ZCCHC7: variants seen among roughly 807,000 people sequenced by gnomAD.
ZCCHC7 encodes the protein zinc finger CCHC-type containing 7.
Under a neutral mutation model 52.0 loss-of-function variants are expected in ZCCHC7, and 35 were observed. That is an observed-to-expected ratio of 0.67 (90% CI 0.51 to 0.89). ZCCHC7 has a LOEUF of 0.89. Among genes scored for constraint, ZCCHC7 ranks in the 40% least tolerant of loss-of-function variants. ZCCHC7 has a pLI of 0.00. For missense variants in ZCCHC7, 574 were observed against 649.1 expected, an observed-to-expected ratio of 0.88 and a Z score of 1.26; for synonymous variants, 217 against 221.5, an observed-to-expected ratio of 0.98 and a Z score of 0.18.
chr9:37,191,846 T>G (rs762698974), intron 2 of ZCCHC7, among the ~76,000 whole-genome samples: 1 of 152,246 alleles, frequency 6.6e-6, no homozygotes, highest in Non-Finnish European at 1.5e-5. Flanking sequence ...TTGCCATTAA[T>G]TCAGCCTTCA....
intron 2 of ZCCHC7, among the ~76,000 whole-genome samples, chr9:37,148,651 C>T (rs1237051960): frequency 6.6e-6 from 1 of 152,108 alleles, no homozygotes; most frequent in African/African-American, 2.4e-5. Flanking sequence ...TAGGATGAGA[C>T]TTCAGTTTCT....
rs1821811793 is a variant in ZCCHC7, at chr9:37,357,986, G to A, written c.*718G>A. The A allele has an allele frequency of 6.6e-6, 1 of 152,078 alleles. No individual in the cohort carries two copies. The highest frequency in any genetic ancestry group is 1.5e-5 in the Non-Finnish European group (1 of 68,016). 9.4% of individuals were successfully genotyped at this position (152,078 alleles called of 1,614,324 possible). On this transcript the variant is annotated 3_prime_UTR_variant, in exon 9 of 9. Transcript: ENST00000336755. Reference sequence around the variant, plus strand: ...TTTACAGCGGTGTTTCAAGCGGACTGTCACTCAGATCTGCAGAGATGAATA... The same window carrying A: ...TTTACAGCGGTGTTTCAAGCGGACTATCACTCAGATCTGCAGAGATGAATA...
At chr9:37,157,930 C>A (rs1820901087) in intron 2 of ZCCHC7, among the ~76,000 whole-genome samples, 1 of 152,220 alleles carries the variant, frequency 6.6e-6, no homozygotes, top group Non-Finnish European at 1.5e-5. Context: ...TCCAGCAGTT[C>A]TGCTTCTGCC....
At chr9:37,335,312 A>C (rs1222855851) in intron 6 of ZCCHC7, among the ~76,000 whole-genome samples, 1 of 152,118 alleles carries the variant, frequency 6.6e-6, no homozygotes, top group Admixed American at 6.6e-5. Flanking sequence ...TTTCTGAGGA[A>C]ATTACTAGGT....
chr9:37,353,058 C>T (rs1272325545), intron 7 of ZCCHC7, among the ~76,000 whole-genome samples: 1 of 151,364 alleles, frequency 6.6e-6, no homozygotes, highest in Non-Finnish European at 1.5e-5. Flanking sequence ...AAAAGAGAAA[C>T]TTCTGGAAAA....
intron 1 of ZCCHC7, among the ~76,000 whole-genome samples, chr9:37,121,106 T>C (rs889654207): frequency 2.6e-5 from 4 of 152,126 alleles, no homozygotes; most frequent in Non-Finnish European, 5.9e-5. Flanking sequence ...CCTTTCCTCA[T>C]GTAAAACGAG....
At chr9:37,285,970 G>A (rs1828189916) in intron 2 of ZCCHC7, among the ~76,000 whole-genome samples, 1 of 152,132 alleles carries the variant, frequency 6.6e-6, no homozygotes, top group Non-Finnish European at 1.5e-5. Flanking sequence ...TCTCTACATA[G>A]AAGACTAGTA....
chr9:37,170,764 A>G (rs1188015162), intron 2 of ZCCHC7, among the ~76,000 whole-genome samples: 2 of 152,180 alleles, frequency 1.3e-5, no homozygotes, highest in South Asian at 2.1e-4. Context: ...TAATCCACAA[A>G]TACTTGGACA....
chr9:37,252,394 C>CA (rs1424829200), intron 2 of ZCCHC7, among the ~76,000 whole-genome samples: 7 of 152,212 alleles, frequency 4.6e-5, no homozygotes, highest in South Asian at 2.1e-4. Flanking sequence ...GAGCCAGAAC[C>CA]AAAATAGTGT....
At chr9:37,229,852 C>T (rs947194711) in intron 2 of ZCCHC7, among the ~76,000 whole-genome samples, 2 of 152,184 alleles carry the variant, frequency 1.3e-5, no homozygotes, top group Non-Finnish European at 2.9e-5. Context: ...GCATAAAATA[C>T]ACTTTGTGTA....
chr9:37,291,171 C>T (rs1160465178), intron 2 of ZCCHC7, among the ~76,000 whole-genome samples: 1 of 152,116 alleles, frequency 6.6e-6, no homozygotes, highest in Non-Finnish European at 1.5e-5. Flanking sequence ...AGGAAATTGA[C>T]AAAACATGTT....
intron 5 of ZCCHC7, among the ~76,000 whole-genome samples, chr9:37,317,281 A>G (rs1829864947): frequency 6.6e-6 from 1 of 152,270 alleles, no homozygotes; most frequent in South Asian, 2.1e-4. Flanking sequence ...TTCTGAGGAA[A>G]AAAGATGATA....
chr9:37,292,418 ACTG>A (rs1222219807), intron 2 of ZCCHC7, among the ~76,000 whole-genome samples: 1 of 152,180 alleles, frequency 6.6e-6, no homozygotes, highest in Non-Finnish European at 1.5e-5. Flanking sequence ...AAACAACTAA[ACTG>A]CTATTAAATT....
Position 37,126,713 on chromosome 9 carries a change from G to A in ZCCHC7, c.381G>A (p.Glu127=), listed in dbSNP as rs778813903. ...HGLSSSLQSN[E]LVDKKCKSDI... ...TTTCTTCTTCTCTTCAATCTAATGA[G>A]CTGGTTGATAAGAAATGCAAGAGTG... Residue 127 remains glutamate, a synonymous_variant, in exon 2 of 9, where the codon GAG becomes GAA. Coordinates refer to ENST00000336755, the MANE Select transcript of ZCCHC7 (RefSeq NM_032226.3). 2 of 1,614,108 alleles carry A rather than the reference G, an allele frequency of 1.2e-6. No individual in the cohort carries two copies. Among genetic ancestry groups the A allele is most frequent in the African/African-American group, 1.3e-5 (1 of 75,026 alleles).
intron 2 of ZCCHC7, among the ~76,000 whole-genome samples, chr9:37,273,999 T>C (rs1189574448): frequency 6.6e-6 from 1 of 152,224 alleles, no homozygotes; most frequent in Non-Finnish European, 1.5e-5. Flanking sequence ...ATTTCAAATT[T>C]TAAAAAGTTG....
intron 2 of ZCCHC7, among the ~76,000 whole-genome samples, chr9:37,279,739 G>A (rs1827859735): frequency 6.6e-6 from 1 of 151,406 alleles, no homozygotes; most frequent in African/African-American, 2.4e-5. Flanking sequence ...ATAATTACAT[G>A]AATTGTGTAT....
In ZCCHC7 at chr9:37,145,338, A is replaced by G. The variant is rs559631627; in HGVS notation, c.610+18396A>G. Among the ~76,000 whole-genome samples the G allele has an allele frequency of 1.8e-4, 28 of 152,024 alleles. No individual in the cohort carries two copies. The South Asian group carries it at 5.4e-3, about 29-fold the overall frequency. ...TGTATTTTTTTAATCTGAAAAACAG[A>G]CTGTCTTTATTATATCAAATAATAC... On this transcript the variant is annotated intron_variant, in intron 2 of 8. Coordinates refer to ENST00000336755, the MANE Select transcript of ZCCHC7 (RefSeq NM_032226.3).
upstream of ZCCHC7, chr9:37,120,430 C>A: frequency 2.5e-6 from 1 of 395,464 alleles, no homozygotes; most frequent in Non-Finnish European, 4.5e-6. Flanking sequence ...TTCGCACCCA[C>A]TACGCATGCG....
intron 2 of ZCCHC7, among the ~76,000 whole-genome samples, chr9:37,266,041 T>A (rs1827091035): frequency 6.6e-6 from 1 of 152,218 alleles, no homozygotes; most frequent in Non-Finnish European, 1.5e-5. Context: ...ATGCCACTTC[T>A]ACTTCTTCTT....
Sources: gnomAD v4.1 joint callset for allele counts (sites outside exome capture counted in the v4.1 genomes callset) on GRCh38, gnomAD v4.1.1 for gene constraint, MANE v1.5 for transcripts, NCBI Gene and HGNC (gene_info 2026-07-23, HGNC 2026-07-21) for gene names.